The following SYN3 variants were observed in gnomAD, a reference collection of about 807,000 sequenced individuals.
SYN3 encodes the protein synapsin-3.
Under a neutral mutation model 65.8 loss-of-function variants are expected in SYN3, and 35 were observed. That is an observed-to-expected ratio of 0.53 (90% confidence interval 0.41 to 0.70). The LOEUF is 0.70. SYN3 is among the 30% of genes least tolerant of loss of function. The pLI is 0.00. For synonymous variants in SYN3, 270 were observed against 292.9 expected (o/e 0.92, Z 0.80); for missense variants, 680 against 749.0 (o/e 0.91, Z 1.08).
intron 7 of SYN3, among the ~76,000 whole-genome samples, chr22:32,572,951 A>T (rs1187094210): frequency 6.6e-6 from 1 of 152,234 alleles, no homozygotes; most frequent in Non-Finnish European, 1.5e-5. Flanking sequence ...AACCATGGAT[A>T]AGGGCTGGAA....
At chr22:32,931,318 C>T (rs923739450) in intron 4 of SYN3, 72 bp downstream of exon 4, 17 of 1,003,468 alleles carry the variant, frequency 1.7e-5, no homozygotes, top group East Asian at 4.8e-5. Flanking sequence ...AGGAAGTGGA[C>T]GGAGGGGTGG....
At chr22:33,036,094 T>A (rs2053854861) in intron 1 of SYN3, among the ~76,000 whole-genome samples, 1 of 152,164 alleles carries the variant, frequency 6.6e-6, no homozygotes, top group Admixed American at 6.6e-5. Flanking sequence ...CACAAGAGTA[T>A]AAGCATTTGC....
chr22:32,744,547 C>T (rs2044868273), intron 6 of SYN3, among the ~76,000 whole-genome samples: 1 of 152,206 alleles, frequency 6.6e-6, no homozygotes, highest in South Asian at 2.1e-4. Flanking sequence ...GAACCCAATC[C>T]TCTCCTTATC....
intron 6 of SYN3, among the ~76,000 whole-genome samples, chr22:32,793,496 C>G (rs1200908209): frequency 1.3e-5 from 2 of 152,150 alleles, no homozygotes; most frequent in African/African-American, 4.8e-5. Flanking sequence ...TTCTTTCCAC[C>G]AACTATTATT....
chr22:32,809,098 A>G (rs889518533), intron 6 of SYN3, among the ~76,000 whole-genome samples: 2 of 152,350 alleles, frequency 1.3e-5, no homozygotes, highest in Non-Finnish European at 1.5e-5. Flanking sequence ...TGCCCTTACT[A>G]TGTGCCAGGC....
At chr22:32,967,995 G>C (rs1601808529) in intron 3 of SYN3, among the ~76,000 whole-genome samples, 1 of 152,210 alleles carries the variant, frequency 6.6e-6, no homozygotes. Flanking sequence ...CACAAGGCTG[G>C]GGATTAGGCA....
chr22:32,869,319 C>T (rs2048775482), intron 4 of SYN3, among the ~76,000 whole-genome samples, 194 bp from the exon 5 acceptor site: 2 of 97,724 alleles, frequency 2.0e-5, no homozygotes, highest in South Asian at 8.9e-4. Flanking sequence ...GGGCTGGAAA[C>T]ACTATATATA....
intron 7 of SYN3, among the ~76,000 whole-genome samples, chr22:32,575,141 C>A (rs961723894): frequency 3.3e-5 from 5 of 152,170 alleles, no homozygotes; most frequent in Non-Finnish European, 7.4e-5. Flanking sequence ...GATCTCTTTT[C>A]TTTTTTCATT....
At chr22:32,758,705 T>TATATATAGATATATATA (rs1277216646) in intron 6 of SYN3, among the ~76,000 whole-genome samples, 1 of 109,694 alleles carries the variant, frequency 9.1e-6, no homozygotes, top group Non-Finnish European at 2.0e-5. Flanking sequence ...TATATATGTC[T>TATATATAGATATATATA]TATTAGTTCT....
chr22:32,863,979 C>T (rs1249036338), intron 6 of SYN3, among the ~76,000 whole-genome samples: 1 of 152,090 alleles, frequency 6.6e-6, no homozygotes. Flanking sequence ...GTGACTCTTG[C>T]CCGATCAGAT....
At chr22:32,773,920 T>C (rs1461399279) in intron 6 of SYN3, among the ~76,000 whole-genome samples, 1 of 151,772 alleles carries the variant, frequency 6.6e-6, no homozygotes, top group Non-Finnish European at 1.5e-5. Flanking sequence ...TGAGCTGGAG[T>C]CAGAAGTGGA....
intron 6 of SYN3, among the ~76,000 whole-genome samples, chr22:32,726,345 G>A (rs1457417243): frequency 2.0e-5 from 3 of 152,146 alleles, no homozygotes; most frequent in Non-Finnish European, 2.9e-5. Flanking sequence ...GTTTCACCAT[G>A]TTGGCCAGGA....
At chr22:32,745,858 C>A (rs533907530) in intron 6 of SYN3, among the ~76,000 whole-genome samples, 2 of 152,252 alleles carry the variant, frequency 1.3e-5, no homozygotes, top group Admixed American at 1.3e-4. Context: ...GAGGCAGGAT[C>A]AAAAGGCAGG....
intron 10 of SYN3, 74 bp from the exon 11 acceptor site, chr22:32,529,082 T>C (rs924059335): frequency 4.4e-6 from 7 of 1,595,532 alleles, no homozygotes; most frequent in Middle Eastern, 1.7e-4. Flanking sequence ...ATCCCAGAAG[T>C]GGGGGCTCAG....
intron 6 of SYN3, among the ~76,000 whole-genome samples, chr22:32,604,060 T>A (rs1031960495): frequency 3.9e-5 from 6 of 152,250 alleles, no homozygotes; most frequent in Admixed American, 3.9e-4. Context: ...GTCAGCCTAG[T>A]CACAGCCGCA....
intron 1 of SYN3, among the ~76,000 whole-genome samples, chr22:33,013,601 C>CAATGCATTATTTAT: frequency 6.6e-6 from 1 of 152,114 alleles, no homozygotes; most frequent in Non-Finnish European, 1.5e-5. Context: ...TTGAAATATA[C>CAATGCATTATTTAT]AATGCATTAT....
At chr22:32,529,794 G>T (rs1414829855) in intron 10 of SYN3, among the ~76,000 whole-genome samples, 1 of 152,200 alleles carries the variant, frequency 6.6e-6, no homozygotes, top group African/African-American at 2.4e-5. Flanking sequence ...CTGCTCCACT[G>T]CAGGAGTCGG....
intron 6 of SYN3, among the ~76,000 whole-genome samples, chr22:32,650,209 T>TTTTCTTTTTC (rs1290283709): frequency 7.2e-6 from 1 of 138,262 alleles, no homozygotes; most frequent in Non-Finnish European, 1.5e-5. Context: ...CTCTTTACAC[T>TTTTCTTTTTC]TTTCTTTCTC....
chr22:32,521,740 C>A (rs1021997053), intron 12 of SYN3, among the ~76,000 whole-genome samples: 1 of 152,126 alleles, frequency 6.6e-6, no homozygotes, highest in South Asian at 2.1e-4. Flanking sequence ...GTCACCGCGC[C>A]CAGCTCACCT....
Sources: gnomAD v4.1 joint callset for allele counts (sites outside exome capture counted in the v4.1 genomes callset) on GRCh38, gnomAD v4.1.1 for gene constraint, MANE v1.5 for transcripts, NCBI Gene and HGNC (gene_info 2026-07-23, HGNC 2026-07-21) for gene names.